Variants in TMEM132D observed in about 807,000 individuals in gnomAD.
TMEM132D encodes the protein transmembrane protein 132D.
A neutral mutation model predicts 62.3 loss-of-function variants in TMEM132D; 21 were observed. The observed-to-expected ratio is 0.34, with a 90% confidence interval of 0.24 to 0.49. TMEM132D has a LOEUF of 0.49. Among genes scored for constraint, TMEM132D ranks in the 20% least tolerant of loss-of-function variants. The probability of loss-of-function intolerance (pLI) is 0.99; values close to 1 mark genes in which losing one functional copy is unlikely to be tolerated. For synonymous variants in TMEM132D, 621 were observed against 575.6 expected, an observed-to-expected ratio of 1.08 and a Z score of -1.13; for missense variants, 1,346 against 1,402.8, an observed-to-expected ratio of 0.96 and a Z score of 0.65.
chr12:129,345,760 A>G (rs1869661966), intron 3 of TMEM132D, among the ~76,000 whole-genome samples: 1 of 152,202 alleles, frequency 6.6e-6, no homozygotes, highest in South Asian at 2.1e-4. Flanking sequence ...AGTATGTTGA[A>G]TCAGCCTTGC....
intron 3 of TMEM132D, among the ~76,000 whole-genome samples, chr12:129,526,445 C>T (rs1401823211): frequency 6.6e-6 from 1 of 152,056 alleles, no homozygotes; most frequent in Non-Finnish European, 1.5e-5. Context: ...CCACCATGCC[C>T]AGCTAATTTT....
At chr12:129,116,624 A>C (rs1478730364) in intron 5 of TMEM132D, among the ~76,000 whole-genome samples, 1 of 152,222 alleles carries the variant, frequency 6.6e-6, no homozygotes, top group Non-Finnish European at 1.5e-5. Flanking sequence ...ATGGCAAATA[A>C]GCATATGGAA....
At chr12:129,285,923 G>A (rs754691665) in intron 4 of TMEM132D, among the ~76,000 whole-genome samples, 11 of 152,160 alleles carry the variant, frequency 7.2e-5, no homozygotes, top group African/African-American at 1.2e-4. Flanking sequence ...GTGTGTTGTC[G>A]TAACTTTATT....
chr12:129,896,137 T>C (rs1247658018), intron 1 of TMEM132D, among the ~76,000 whole-genome samples: 2 of 103,652 alleles, frequency 1.9e-5, no homozygotes, highest in East Asian at 4.3e-4. Flanking sequence ...ACCTGGCTCA[T>C]TTTTTTTGTT....
chr12:129,427,462 C>T (rs888597610), intron 3 of TMEM132D, among the ~76,000 whole-genome samples: 3 of 151,974 alleles, frequency 2.0e-5, no homozygotes, highest in African/African-American at 4.8e-5. Flanking sequence ...TGTTAAATGA[C>T]GAGTTGATGG....
At chr12:129,076,635 A>G (rs1238871347) in intron 8 of TMEM132D, among the ~76,000 whole-genome samples, 1 of 152,212 alleles carries the variant, frequency 6.6e-6, no homozygotes, top group African/African-American at 2.4e-5. Flanking sequence ...TGGACATGAC[A>G]CTGACTTACC....
At chr12:129,504,546 G>A (rs142072209) in intron 3 of TMEM132D, among the ~76,000 whole-genome samples, 1,695 of 152,078 alleles carry the variant, frequency 0.011, 14 homozygotes, top group Non-Finnish European at 0.016. Flanking sequence ...ATTATTTTTT[G>A]TATTTCTGTG....
At chr12:129,249,915 G>A (rs1323029138) in intron 4 of TMEM132D, among the ~76,000 whole-genome samples, 1 of 152,128 alleles carries the variant, frequency 6.6e-6, no homozygotes, top group East Asian at 1.9e-4. Flanking sequence ...GACAAGGGCA[G>A]GAACAGCAGG....
At chr12:129,845,203 A>G (rs1324136361) in intron 1 of TMEM132D, among the ~76,000 whole-genome samples, 1 of 152,242 alleles carries the variant, frequency 6.6e-6, no homozygotes, top group African/African-American at 2.4e-5. Context: ...ACGCATACCA[A>G]GTAAATCTGT....
At position 129,074,555 on chromosome 12, in the gene TMEM132D, C is replaced by T. The variant is rs2135603624; in HGVS notation, c.2620G>A (p.Asp874Asn). 6.2e-7 allele frequency: 1 copy of T among 1,614,056 alleles called. No homozygotes were observed. The highest frequency in any genetic ancestry group is 1.7e-5 in the Admixed American group (1 of 60,024). ...KKKGQESLLD[D>N]NSHLQTIPSD... ...GGGATGGTCTGCAAGTGGCTGTTGT[C>T]ATCTAAAAGGCTTTCCTGGCCTTTC... The change falls in exon 9 of 9, where the codon GAC (aspartate) becomes AAC (asparagine). Residue 874 changes from aspartate (D) to asparagine (N), a missense_variant. Asp to Asn is a conservative substitution (Grantham distance 23, BLOSUM62 1). Transcript: ENST00000422113.
At chr12:129,772,547 TGA>T (rs1870789889) in intron 1 of TMEM132D, among the ~76,000 whole-genome samples, 1 of 152,200 alleles carries the variant, frequency 6.6e-6, no homozygotes, top group African/African-American at 2.4e-5. Flanking sequence ...CCATTTCCCA[TGA>T]GTCATAAATC....
chr12:129,482,289 A>C (rs1257642349), intron 3 of TMEM132D, among the ~76,000 whole-genome samples: 1 of 152,218 alleles, frequency 6.6e-6, no homozygotes, highest in Non-Finnish European at 1.5e-5. Context: ...GGAACGGTTG[A>C]ATTAACTGTG....
chr12:129,269,787 G>C (rs1880803559), intron 4 of TMEM132D, among the ~76,000 whole-genome samples: 1 of 152,144 alleles, frequency 6.6e-6, no homozygotes, highest in African/African-American at 2.4e-5. Flanking sequence ...GGTCGCAGTT[G>C]CATGAGCTTC....
intron 2 of TMEM132D, among the ~76,000 whole-genome samples, chr12:129,623,791 C>A (rs1879143965): frequency 6.6e-6 from 1 of 150,860 alleles, no homozygotes; most frequent in Non-Finnish European, 1.5e-5. Context: ...ATATATTCCA[C>A]ATTTTCTTTA....
At chr12:129,380,946 T>G (rs1225551850) in intron 3 of TMEM132D, among the ~76,000 whole-genome samples, 1 of 152,274 alleles carries the variant, frequency 6.6e-6, no homozygotes, top group African/African-American at 2.4e-5. Context: ...TTCAAATAAA[T>G]AAATGGATAT....
chr12:129,818,170 G>T (rs565583781), intron 1 of TMEM132D, among the ~76,000 whole-genome samples: 1 of 145,632 alleles, frequency 6.9e-6, no homozygotes, highest in South Asian at 2.3e-4. Flanking sequence ...GTATGTGTGT[G>T]TGTATGTGTG....
chr12:129,275,958 C>A (rs1220093337), intron 4 of TMEM132D, among the ~76,000 whole-genome samples: 3 of 152,186 alleles, frequency 2.0e-5, no homozygotes, highest in Non-Finnish European at 2.9e-5. Context: ...GTGGGCCATG[C>A]TGCAGTCCAG....
chr12:129,242,438 T>A (rs1476200186), intron 4 of TMEM132D, among the ~76,000 whole-genome samples: 1 of 152,216 alleles, frequency 6.6e-6, no homozygotes, highest in African/African-American at 2.4e-5. Context: ...TTACACCAAC[T>A]TTCTTTTGGT....
At chr12:129,668,083 G>A (rs934312293) in intron 2 of TMEM132D, among the ~76,000 whole-genome samples, 6 of 151,296 alleles carry the variant, frequency 4.0e-5, no homozygotes, top group African/African-American at 1.5e-4. Context: ...TAATACTGGA[G>A]ATTGTGACAT....
Sources: allele counts gnomAD v4.1 joint callset (sites outside exome capture counted in the v4.1 genomes callset), GRCh38; gene constraint gnomAD v4.1.1; transcripts MANE v1.5; gene names NCBI Gene and HGNC (gene_info 2026-07-23, HGNC 2026-07-21).